Variants in C1orf21 observed in about 807,000 individuals in gnomAD.
C1orf21 encodes uncharacterized protein C1orf21.
A neutral mutation model predicts 18.7 loss-of-function variants in C1orf21; 3 were observed. That is an observed-to-expected ratio of 0.16 (90% CI 0.07 to 0.42). The LOEUF is 0.42. Among genes scored for constraint, C1orf21 ranks in the 10% least tolerant of loss-of-function variants. The probability of loss-of-function intolerance (pLI) is 0.99; values close to 1 mark genes in which losing one functional copy is unlikely to be tolerated. For missense variants in C1orf21, 104 were observed against 143.6 expected (o/e 0.72, Z 1.41); for synonymous variants, 41 against 46.4 (o/e 0.88, Z 0.47).
intron 3 of C1orf21, among the ~76,000 whole-genome samples, chr1:184,585,081 A>G (rs949072764): frequency 1.3e-5 from 2 of 152,230 alleles, no homozygotes; most frequent in Non-Finnish European, 2.9e-5. Flanking sequence ...TTACCCCCAT[A>G]AGGCTGTTAA....
intron 2 of C1orf21, among the ~76,000 whole-genome samples, chr1:184,487,163 A>G (rs1195904625): frequency 6.6e-6 from 1 of 152,234 alleles, no homozygotes; most frequent in Admixed American, 6.5e-5. Context: ...CAGACATTCA[A>G]AACAATGGCT....
At chr1:184,543,228 T>C (rs917035386) in intron 3 of C1orf21, among the ~76,000 whole-genome samples, 2 of 152,120 alleles carry the variant, frequency 1.3e-5, no homozygotes, top group African/African-American at 2.4e-5. Flanking sequence ...TGTGTGCCTG[T>C]GGTCCCACCT....
intron 3 of C1orf21, among the ~76,000 whole-genome samples, chr1:184,550,343 C>T (rs910668286): frequency 1.3e-5 from 2 of 152,090 alleles, no homozygotes; most frequent in African/African-American, 2.4e-5. Context: ...GTTTTCTTCA[C>T]CCAATACAAG....
intron 2 of C1orf21, among the ~76,000 whole-genome samples, chr1:184,498,084 T>A (rs1657920208): frequency 6.6e-6 from 1 of 152,166 alleles, no homozygotes; most frequent in Non-Finnish European, 1.5e-5. Flanking sequence ...CTCTTTCCGA[T>A]GTCAATCCAG....
At position 184,387,562 on chromosome 1, in the gene C1orf21, T is replaced by A. The variant is rs1163213283; in HGVS notation, c.-125+194T>A. On this transcript the variant is annotated intron_variant, in intron 1 of 5. Transcript: ENST00000235307. This position sits in a 1 kb window ranked among gnomAD's most constrained non-coding sequence, Gnocchi z 5.6. Reference sequence around the variant, plus strand: ...GCCGGGGCTGCTGCTGGTGCGGGGCTGGCGGGGTTGCTGCCAGGGACGGAA... The same window carrying A: ...GCCGGGGCTGCTGCTGGTGCGGGGCAGGCGGGGTTGCTGCCAGGGACGGAA... 7.3e-6 allele frequency among the ~76,000 whole-genome samples: 1 copy of A among 136,856 alleles called. No individual in the cohort carries two copies. The highest frequency in any genetic ancestry group is 1.6e-5 in the Non-Finnish European group (1 of 63,906). The allele number at this position is 136,856 out of a possible 152,430, so 89.8% of individuals were successfully genotyped here.
chr1:184,592,433 G>A (rs1659452794), intron 4 of C1orf21, among the ~76,000 whole-genome samples: 1 of 152,106 alleles, frequency 6.6e-6, no homozygotes, highest in Non-Finnish European at 1.5e-5. Context: ...AAACAATAAT[G>A]AGTAGTTTTC....
At chr1:184,416,087 A>C (rs1557966667) in intron 1 of C1orf21, among the ~76,000 whole-genome samples, 1 of 152,200 alleles carries the variant, frequency 6.6e-6, no homozygotes, top group Non-Finnish European at 1.5e-5. Flanking sequence ...GAACAAAATC[A>C]TCTTCCTAAA....
At chr1:184,399,498 G>A (rs1441171157) in intron 1 of C1orf21, among the ~76,000 whole-genome samples, 2 of 151,632 alleles carry the variant, frequency 1.3e-5, no homozygotes, top group South Asian at 2.1e-4. Flanking sequence ...GAGTAGCTGG[G>A]ACTATAGGTG....
At chr1:184,389,327 G>C (rs1032036427) in intron 1 of C1orf21, among the ~76,000 whole-genome samples, 1 of 152,182 alleles carries the variant, frequency 6.6e-6, no homozygotes, top group Non-Finnish European at 1.5e-5. Context: ...GGGTGGTAGA[G>C]AGGTCTCACA....
chr1:184,560,748 G>T (rs1483860253), intron 3 of C1orf21, among the ~76,000 whole-genome samples: 1 of 152,184 alleles, frequency 6.6e-6, no homozygotes, highest in Non-Finnish European at 1.5e-5. Context: ...TGACAGGCAT[G>T]ATCCCCAGCT....
rs112736766 is a variant in C1orf21, at chr1:184,571,355, C to T, written c.190-19384C>T. ...GTAAAAATACAGTATTATAATATTA[C>T]GGGACCCCTGTCATATATGCAGTTC... On this transcript the variant is annotated intron_variant, in intron 3 of 5. Transcript: ENST00000235307. 7.3e-3 allele frequency among the ~76,000 whole-genome samples: 1,100 copies of T among 150,494 alleles called. 17 individuals carry two copies. The highest frequency in any genetic ancestry group is 0.023 in the African/African-American group (925 of 40,946).
intron 3 of C1orf21, among the ~76,000 whole-genome samples, chr1:184,570,281 T>C (rs1659090853): frequency 6.6e-6 from 1 of 152,200 alleles, no homozygotes; most frequent in Admixed American, 6.5e-5. Context: ...GTTTTGTTTG[T>C]TTGAATGTTT....
intron 5 of C1orf21, among the ~76,000 whole-genome samples, chr1:184,604,397 G>A (rs1470078499): frequency 6.6e-6 from 1 of 152,212 alleles, no homozygotes; most frequent in African/African-American, 2.4e-5. Context: ...AGCACTGGCA[G>A]AGAGATACTC....
At chr1:184,616,807 T>C (rs1444620350) in intron 5 of C1orf21, among the ~76,000 whole-genome samples, 1 of 152,282 alleles carries the variant, frequency 6.6e-6, no homozygotes, top group East Asian at 1.9e-4. Context: ...AAACTCCACA[T>C]TGGCTGGCTG....
chr1:184,401,249 T>C (rs1438643347), intron 1 of C1orf21, among the ~76,000 whole-genome samples: 2 of 152,180 alleles, frequency 1.3e-5, no homozygotes, highest in African/African-American at 4.8e-5. Flanking sequence ...AGATGGAGTT[T>C]CACTGTCGTT....
intron 1 of C1orf21, among the ~76,000 whole-genome samples, chr1:184,452,015 C>G (rs575556628): frequency 3.3e-5 from 5 of 152,110 alleles, no homozygotes; most frequent in Non-Finnish European, 7.4e-5. Flanking sequence ...CCCTGGAAGG[C>G]AAAAAATTTT....
chr1:184,588,562 G>A (rs1210975581), intron 3 of C1orf21, among the ~76,000 whole-genome samples: 3 of 152,246 alleles, frequency 2.0e-5, no homozygotes, highest in South Asian at 2.1e-4. Context: ...GTGCTTCACC[G>A]CTGTATGCCT....
chr1:184,516,750 G>C (rs34946851), intron 3 of C1orf21, among the ~76,000 whole-genome samples: 8,347 of 152,204 alleles, frequency 0.055, 304 homozygotes, highest in Non-Finnish European at 0.07. Flanking sequence ...TCTCCCACTA[G>C]GTCCCTCCCA....
Position 184,579,290 on chromosome 1 carries a change from G to T in C1orf21, c.190-11449G>T, listed in dbSNP as rs866271402. On this transcript the variant is annotated intron_variant, in intron 3 of 5. Transcript: ENST00000235307. ...TGGTCTCAAACTCCTGGACTCAAGT[G>T]ATCTGCCCACCTCAGCCTCCCGAAG... Among the ~76,000 whole-genome samples the T allele has an allele frequency of 1.1e-3, 164 of 147,156 alleles. 1 individual carries two copies. Among genetic ancestry groups the T allele is most frequent in the African/African-American group, 3.9e-3 (158 of 40,170 alleles).
Sources: gnomAD v4.1 joint callset for allele counts (sites outside exome capture counted in the v4.1 genomes callset) on GRCh38, gnomAD v4.1.1 for gene constraint, Gnocchi (gnomAD v3.1) non-coding constraint, MANE v1.5 for transcripts, NCBI Gene and HGNC (gene_info 2026-07-23, HGNC 2026-07-21) for gene names.